Variants in GSG1L observed in about 807,000 individuals in gnomAD.
GSG1L encodes the protein GSG1 like, also known as germ cell-specific gene 1-like protein.
GSG1L carries 24 observed loss-of-function variants against 42.1 expected under a neutral mutation model. The ratio of observed to expected loss-of-function variants is 0.57; its 90% CI spans 0.41 to 0.80. GSG1L has a LOEUF of 0.80. Ranked by LOEUF, GSG1L falls within the 30% of genes least tolerant of loss-of-function variation. The pLI is 0.00. For synonymous variants in GSG1L, 215 were observed against 203.5 expected, an observed-to-expected ratio of 1.06 and a Z score of -0.48; for missense variants, 445 against 472.2, an observed-to-expected ratio of 0.94 and a Z score of 0.53.
chr16:27,929,739 A>C (rs1397247549), intron 2 of GSG1L, among the ~76,000 whole-genome samples: 2 of 152,128 alleles, frequency 1.3e-5, no homozygotes, highest in Non-Finnish European at 2.9e-5. Flanking sequence ...GCTGTTACTG[A>C]TACATCTGCC....
At chr16:28,002,080 T>C (rs939696946) in intron 1 of GSG1L, among the ~76,000 whole-genome samples, 6 of 152,200 alleles carry the variant, frequency 3.9e-5, no homozygotes, top group African/African-American at 1.4e-4. Flanking sequence ...CCAGGCTGTG[T>C]TGGAAGCACT....
At chr16:28,062,626 T>C (rs920419705) in intron 1 of GSG1L, among the ~76,000 whole-genome samples, 5 of 152,032 alleles carry the variant, frequency 3.3e-5, no homozygotes, top group Non-Finnish European at 7.4e-5. Flanking sequence ...GGGCGGCTGG[T>C]AGCAGGAGTC....
At chr16:27,859,483 C>A (rs759869879) in intron 3 of GSG1L, among the ~76,000 whole-genome samples, 1 of 152,178 alleles carries the variant, frequency 6.6e-6, no homozygotes. Context: ...TTGCCCAGGG[C>A]CAAGCAAATA....
In GSG1L at chr16:27,979,665, G is replaced by GAAAGAAAGAAAGAAAGAAAGAAAGAA. The variant is rs1567542786; in HGVS notation, c.350-16463_350-16462insTTCTTTCTTTCTTTCTTTCTTTCTTT. 8.5e-4 allele frequency among the ~76,000 whole-genome samples: 32 copies of GAAAGAAAGAAAGAAAGAAAGAAAGAA among 37,494 alleles called. 2 individuals are homozygous for GAAAGAAAGAAAGAAAGAAAGAAAGAA. Among genetic ancestry groups the GAAAGAAAGAAAGAAAGAAAGAAAGAA allele is most frequent in the South Asian group, 2.1e-3 (1 of 472 alleles). The allele number at this position is 37,494 out of a possible 152,430, so 24.6% of individuals were successfully genotyped here. A position where few individuals can be genotyped will look rare whatever the true frequency, so the allele number is the denominator to read the frequency against. The stretch of plus-strand genomic sequence containing the variant: ...GGGGAAAGAAAGAAAGAAAGAAAGA[G>GAAAGAAAGAAAGAAAGAAAGAAAGAA]AGAGAGAGAGAGAGAAAGAAAGAAG... On this transcript the variant is annotated intron_variant, in intron 1 of 6. Transcript: ENST00000447459.
chr16:27,959,361 G>A lies in GSG1L; in HGVS notation c.397+3795C>T, dbSNP rs1003797751. ...CGTGCGCCTGTAATCCCAGCTACTCGGGAGGCTGAGGCAGGAGAATCGCTT... is the reference window on the plus strand; with the variant it reads ...CGTGCGCCTGTAATCCCAGCTACTCAGGAGGCTGAGGCAGGAGAATCGCTT... On this transcript the variant is annotated intron_variant, in intron 2 of 6. Transcript: ENST00000447459. Among the ~76,000 whole-genome samples, 25 of 151,578 alleles carry A rather than the reference G, an allele frequency of 1.6e-4. No homozygotes were observed. In the South Asian group the frequency reaches 2.1e-3, roughly 13 times the overall value.
chr16:27,856,932 CAGG>C (rs1249121441), intron 3 of GSG1L, among the ~76,000 whole-genome samples: 1 of 152,156 alleles, frequency 6.6e-6, no homozygotes. Flanking sequence ...GGGAATCCCC[CAGG>C]GAGGTGTCAC....
chr16:28,018,801 C>A (rs888275876), intron 1 of GSG1L, among the ~76,000 whole-genome samples: 1 of 152,144 alleles, frequency 6.6e-6, no homozygotes, highest in African/African-American at 2.4e-5. Context: ...GCCGCCCCCA[C>A]ATGAAGTGCT....
At chr16:27,986,431 G>A (rs1176710270) in intron 1 of GSG1L, among the ~76,000 whole-genome samples, 3 of 151,220 alleles carry the variant, frequency 2.0e-5, no homozygotes, top group Non-Finnish European at 2.9e-5. Flanking sequence ...ACTTAAACTC[G>A]GGAGGTGGAG....
In GSG1L at chr16:27,987,720, G is replaced by A. The variant is rs1047986717; in HGVS notation, c.350-24517C>T. On this transcript the variant is annotated intron_variant, in intron 1 of 6. Transcript: ENST00000447459. ...TCCCAGCACTTTGGGAGGCCGAGGC[G>A]GGCGGATCACGAGGTCAGGAAATCG... Among the ~76,000 whole-genome samples, 3 of 152,090 alleles carry A rather than the reference G, an allele frequency of 2.0e-5. No individual in the cohort carries two copies. The South Asian group carries it at 6.2e-4, about 32-fold the overall frequency.
At chr16:27,990,921 T>TA (rs559459706) in intron 1 of GSG1L, among the ~76,000 whole-genome samples, 156 of 149,448 alleles carry the variant, frequency 1.0e-3, no homozygotes, top group East Asian at 4.3e-3. Flanking sequence ...AAGTATAATT[T>TA]AAAAAAAAAA....
chr16:27,815,631 C>A (rs2083086562), intron 5 of GSG1L, among the ~76,000 whole-genome samples: 1 of 152,186 alleles, frequency 6.6e-6, no homozygotes, highest in African/African-American at 2.4e-5. Flanking sequence ...GTGTCACATC[C>A]CTCCAGGGGT....
chr16:27,997,309 C>CCTTT (rs2085526559), intron 1 of GSG1L, among the ~76,000 whole-genome samples: 1 of 70,594 alleles, frequency 1.4e-5, no homozygotes, highest in Non-Finnish European at 2.9e-5. Flanking sequence ...GTGTTCTCCA[C>CCTTT]TTTTTTTTTT....
At position 27,788,808 on chromosome 16, in the gene GSG1L, G is replaced by A. The variant is rs1454841525; in HGVS notation, c.*2562C>T. On this transcript the variant is annotated 3_prime_UTR_variant, in exon 7 of 7. Coordinates refer to ENST00000447459, the MANE Select transcript of GSG1L (RefSeq NM_001109763.2). ...CATTTAATTTGCACAACAGCTTGAA[G>A]AGGTAGGTATAATGATTATCCGGAT... is the stretch of plus-strand genomic sequence containing the variant. 1 of 152,232 alleles carries A rather than the reference G, an allele frequency of 6.6e-6. No individual in the cohort carries two copies. The highest frequency in any genetic ancestry group is 1.5e-5 in the Non-Finnish European group (1 of 68,050). 9.4% of individuals were successfully genotyped at this position (152,232 alleles called of 1,614,324 possible). A position where few individuals can be genotyped will look rare whatever the true frequency, so the allele number is the denominator to read the frequency against.
intron 1 of GSG1L, among the ~76,000 whole-genome samples, chr16:27,994,447 C>T (rs2085491627): frequency 1.3e-5 from 2 of 152,198 alleles, no homozygotes; most frequent in South Asian, 2.1e-4. Flanking sequence ...TAACATTGCT[C>T]TAACTCTTGC....
chr16:28,013,126 A>C (rs2085742251), intron 1 of GSG1L, among the ~76,000 whole-genome samples: 1 of 151,192 alleles, frequency 6.6e-6, no homozygotes, highest in Non-Finnish European at 1.5e-5. Context: ...TGGGAGGCCG[A>C]GGCAAGAGAA....
intron 1 of GSG1L, among the ~76,000 whole-genome samples, chr16:28,039,617 AAG>A (rs1412975668): frequency 6.6e-6 from 1 of 151,584 alleles, no homozygotes; most frequent in Non-Finnish European, 1.5e-5. Context: ...ACACACACAC[AAG>A]CAGACATGTA....
intron 2 of GSG1L, among the ~76,000 whole-genome samples, chr16:27,955,188 CA>C (rs2084990332): frequency 6.6e-6 from 1 of 151,726 alleles, no homozygotes; most frequent in Non-Finnish European, 1.5e-5. Context: ...GGTAGAGAAG[CA>C]AACTTAAAAA....
rs1430653700 is a variant in GSG1L at position 28,063,228 on chromosome 16, G to A, written c.197C>T (p.Ala66Val). 2.4e-6 allele frequency: 3 copies of A among 1,254,628 alleles called. No individual in the cohort carries two copies. The highest frequency in any genetic ancestry group is 1.6e-5 in the African/African-American group (1 of 63,248). 77.7% of individuals were successfully genotyped at this position (1,254,628 alleles called of 1,614,324 possible). A position where few individuals can be genotyped will look rare whatever the true frequency, so the allele number is the denominator to read the frequency against. The stretch of plus-strand genomic sequence containing the variant: ...GGCGGCGGCGGCGGCGGCGGCGGGG[G>A]CGGCGGTGCCGTTGGCCGTGGCGTT... The part of the protein sequence containing the change: ...GANATANGTA[A>V]PAAAAAAATA... The change falls in exon 1 of 7, where the codon GCC (alanine) becomes GTC (valine). Residue 66 changes from alanine to valine, a missense_variant. By Grantham distance (64) the Ala-to-Val change is moderately conservative (BLOSUM62 0). Coordinates refer to ENST00000447459, the MANE Select transcript of GSG1L (RefSeq NM_001109763.2). The surrounding 1 kb of genome is among the most constrained non-coding windows in gnomAD (Gnocchi z 5.8).
chr16:27,997,054 G>A (rs1007268866), intron 1 of GSG1L, among the ~76,000 whole-genome samples: 26 of 152,098 alleles, frequency 1.7e-4, no homozygotes, highest in Admixed American at 1.2e-3. Context: ...GAGCCACCGC[G>A]CCTGGCCTTA....
Sources: allele counts gnomAD v4.1 joint callset (sites outside exome capture counted in the v4.1 genomes callset), GRCh38; gene constraint gnomAD v4.1.1; non-coding constraint Gnocchi (gnomAD v3.1); transcripts MANE v1.5; gene names NCBI Gene and HGNC (gene_info 2026-07-23, HGNC 2026-07-21).